LARP4B: variants seen among roughly 807,000 people sequenced by gnomAD.
The protein encoded by LARP4B is La ribonucleoprotein 4B.
In LARP4B, 12 loss-of-function variants were observed where a neutral mutation model predicts 89.8. The observed-to-expected ratio is 0.13, with a 90% CI of 0.09 to 0.22. LARP4B has a LOEUF of 0.22. Among genes scored for constraint, LARP4B ranks in the 10% least tolerant of loss-of-function variants. The probability of loss-of-function intolerance (pLI) is 1.00; values close to 1 mark genes in which losing one functional copy is unlikely to be tolerated. For missense variants in LARP4B, 757 were observed against 947.7 expected, an observed-to-expected ratio of 0.80 and a Z score of 2.64; for synonymous variants, 367 against 363.3, an observed-to-expected ratio of 1.01 and a Z score of -0.12.
chr10:850,004 C>T (rs916908621), intron 5 of LARP4B, among the ~76,000 whole-genome samples: 5 of 152,146 alleles, frequency 3.3e-5, no homozygotes, highest in South Asian at 4.1e-4. Flanking sequence ...GCTGAGATCC[C>T]GCAACAGAAA....
At chr10:851,941 C>T (rs1327335430) in intron 5 of LARP4B, among the ~76,000 whole-genome samples, 1 of 152,118 alleles carries the variant, frequency 6.6e-6, no homozygotes, top group Admixed American at 6.6e-5. Flanking sequence ...TGGTGTGCTA[C>T]TGTAGTCCCA....
At chr10:951,956 G>C in the LARP4B span, among the ~76,000 whole-genome samples, 2 of 140,348 alleles carry the variant, frequency 1.4e-5, no homozygotes, top group East Asian at 2.2e-4. Context: ...AGAAATCGCA[G>C]CAGCCCAGAA....
At chr10:931,859 A>G (rs1190336333), upstream of LARP4B, among the ~76,000 whole-genome samples, 1 of 150,226 alleles carries the variant, frequency 6.7e-6, no homozygotes, top group African/African-American at 2.4e-5. Context: ...GGCGCACCCG[A>G]CGCTCGGCCC....
At chr10:834,570 A>G (rs969008890) in intron 8 of LARP4B, among the ~76,000 whole-genome samples, 18 of 152,172 alleles carry the variant, frequency 1.2e-4, no homozygotes, top group Non-Finnish European at 2.2e-4. Context: ...TCTTACGTGG[A>G]TTGTTTTAGG....
chr10:871,661 G>A (rs528059811), intron 3 of LARP4B, among the ~76,000 whole-genome samples: 6 of 152,160 alleles, frequency 3.9e-5, no homozygotes, highest in African/African-American at 9.6e-5. Flanking sequence ...GACAGGTTCC[G>A]GCTCCCAGCA....
intron 7 of LARP4B, among the ~76,000 whole-genome samples, chr10:840,901 C>T (rs959902730): frequency 7.2e-5 from 11 of 152,194 alleles, no homozygotes; most frequent in African/African-American, 2.4e-4. Flanking sequence ...CCTGTAATCT[C>T]AGGACTTTGG....
the LARP4B span, among the ~76,000 whole-genome samples, chr10:945,666 C>T: frequency 1.4e-5 from 2 of 143,482 alleles, no homozygotes; most frequent in Admixed American, 7.1e-5. Flanking sequence ...CCAGCCTGGG[C>T]AACAGAGCGA....
Position 829,451 on chromosome 10 carries a change from G to C in LARP4B, c.1059C>G (p.Phe353Leu). Residue 353 changes from phenylalanine to leucine, a missense_variant, in exon 11 of 18, where the codon TTC becomes TTG. This residue lies in a region of LARP4B where 137 missense variants were observed against 213.9 expected (regional missense o/e 0.64). Coordinates refer to ENST00000316157, the MANE Select transcript of LARP4B (RefSeq NM_015155.3). ...FPPMYSPQQQ[F>L]PLYSLITPQT... ...GGGGAGTGATCAGGCTGTACAGGGG[G>C]AACTGCTGCTGGGGGCTGTACATGG... The C allele has an allele frequency of 2.5e-6, 4 of 1,614,146 alleles. No homozygotes were observed. Among genetic ancestry groups the C allele is most frequent in the Non-Finnish European group, 3.4e-6 (4 of 1,180,024 alleles).
At chr10:818,899 T>A (rs1361487875) in intron 14 of LARP4B, 2 of 152,228 alleles carry the variant, frequency 1.3e-5, no homozygotes, top group Non-Finnish European at 2.9e-5. Flanking sequence ...AGAAAATATG[T>A]CAGAAGTGAA....
chr10:921,015 T>C (rs538149958), intron 1 of LARP4B, among the ~76,000 whole-genome samples: 76 of 152,310 alleles, frequency 5.0e-4, no homozygotes, highest in African/African-American at 1.8e-3. Flanking sequence ...GGCTCACACC[T>C]GTAATCCCAG....
the LARP4B span, among the ~76,000 whole-genome samples, chr10:956,245 A>G: frequency 1.3e-5 from 2 of 152,006 alleles, no homozygotes; most frequent in African/African-American, 4.8e-5. The surrounding 1 kb of genome is among the most constrained non-coding windows in gnomAD (Gnocchi z 4.3). Context: ...CACAAACTAC[A>G]CAGTTACGTT....
the LARP4B span, chr10:971,428 A>G: frequency 6.6e-6 from 1 of 152,186 alleles, no homozygotes; most frequent in Non-Finnish European, 1.5e-5. Context: ...GGATACTAGG[A>G]AGTAGAAGTG....
At chr10:813,250 GGT>G in intron 17 of LARP4B, 37 bp from the exon 18 acceptor site, 1 of 1,559,128 alleles carries the variant, frequency 6.4e-7, no homozygotes, top group Non-Finnish European at 8.7e-7. Flanking sequence ...TGTGTGAAAT[GGT>G]GTCTCTAGGG....
At chr10:949,180 AGCCCCAC>A in the LARP4B span, among the ~76,000 whole-genome samples, 1 of 152,032 alleles carries the variant, frequency 6.6e-6, no homozygotes, top group African/African-American at 2.4e-5. Context: ...ACATCCCACC[AGCCCCAC>A]GTGAGTGAGT....
intron 1 of LARP4B, among the ~76,000 whole-genome samples, chr10:894,349 C>G (rs1836126934): frequency 6.6e-6 from 1 of 152,142 alleles, no homozygotes; most frequent in South Asian, 2.1e-4. Flanking sequence ...ACAAAGCCAT[C>G]ATCTAAATCC....
intron 1 of LARP4B, among the ~76,000 whole-genome samples, chr10:895,515 C>T (rs529312318): frequency 4.7e-4 from 72 of 151,778 alleles, no homozygotes; most frequent in African/African-American, 1.7e-3. Flanking sequence ...CCTAACCAGG[C>T]TGGTGAAACC....
At chr10:950,796 C>G in the LARP4B span, among the ~76,000 whole-genome samples, 3 of 151,270 alleles carry the variant, frequency 2.0e-5, no homozygotes, top group African/African-American at 7.3e-5. Flanking sequence ...GTATTCATTA[C>G]TAGTATATGG....
At chr10:921,184 A>T (rs187384714) in intron 1 of LARP4B, among the ~76,000 whole-genome samples, 4 of 152,206 alleles carry the variant, frequency 2.6e-5, no homozygotes, top group East Asian at 3.9e-4. Context: ...GGGGCAGGAG[A>T]ATCGCTTGAA....
the LARP4B span, chr10:986,389 C>T: frequency 6.6e-6 from 1 of 152,184 alleles, no homozygotes; most frequent in African/African-American, 2.4e-5. Flanking sequence ...GCATTTGCGA[C>T]ACTCCTCAGA....
Sources: allele counts gnomAD v4.1 joint callset (sites outside exome capture counted in the v4.1 genomes callset), GRCh38; gene constraint gnomAD v4.1.1; regional missense constraint gnomAD v4.1.1; non-coding constraint Gnocchi (gnomAD v3.1); transcripts MANE v1.5; gene names NCBI Gene and HGNC (gene_info 2026-07-23, HGNC 2026-07-21).